GARRE1: variants seen among roughly 807,000 people sequenced by gnomAD.
The protein encoded by GARRE1 is granule associated Rac and RHOG effector protein 1.
Under a neutral mutation model 103.2 loss-of-function variants are expected in GARRE1, and 49 were observed. The observed-to-expected ratio is 0.47, with a 90% CI of 0.38 to 0.60. The LOEUF (loss-of-function observed/expected upper bound fraction) is 0.60. GARRE1 is among the 20% of genes least tolerant of loss of function. The probability of loss-of-function intolerance (pLI) is 0.00; values close to 1 mark genes in which losing one functional copy is unlikely to be tolerated. For missense variants in GARRE1, 1,199 were observed against 1,370.5 expected (o/e 0.87, Z 1.98); for synonymous variants, 505 against 532.8 (o/e 0.95, Z 0.72).
intron 2 of GARRE1, among the ~76,000 whole-genome samples, chr19:34,316,720 G>A (rs1159294941): frequency 1.3e-5 from 2 of 152,194 alleles, no homozygotes; most frequent in Non-Finnish European, 2.9e-5. Flanking sequence ...TTACAACACA[G>A]ATATTTTGTT....
At chr19:34,276,276 C>T (rs2073816690) in intron 1 of GARRE1, among the ~76,000 whole-genome samples, 1 of 152,190 alleles carries the variant, frequency 6.6e-6, no homozygotes, top group African/African-American at 2.4e-5. Flanking sequence ...CTCCTGACCT[C>T]AGGTGATCTG....
intron 3 of GARRE1, among the ~76,000 whole-genome samples, chr19:34,322,522 A>G (rs936388125): frequency 6.6e-6 from 1 of 152,044 alleles, no homozygotes; most frequent in African/African-American, 2.4e-5. Context: ...TTCCAGTATG[A>G]GAAATAAAAA....
At chr19:34,336,875 T>C (rs1186092729) in intron 8 of GARRE1, among the ~76,000 whole-genome samples, 2 of 152,238 alleles carry the variant, frequency 1.3e-5, no homozygotes, top group Non-Finnish European at 2.9e-5. Context: ...TGGGTGAATA[T>C]AAACAGTCAG....
rs531743015 is a variant in GARRE1 at position 34,304,741 on chromosome 19, AGT to A, written c.495+3778_495+3779del. ...ATACCCAGGGATACTGTCATTTTAAAGTGTGTATAAAATGGCTTGTCATAATT... is the reference window on the plus strand; with the variant it reads ...ATACCCAGGGATACTGTCATTTTAAAGTGTATAAAATGGCTTGTCATAATT... On this transcript the variant is annotated intron_variant, in intron 2 of 13. Transcript: ENST00000299505. Among the ~76,000 whole-genome samples, 34 of 151,686 alleles carry A rather than the reference AGT, an allele frequency of 2.2e-4. No homozygotes were observed. The East Asian group carries it at 6.4e-3, about 28-fold the overall frequency.
Position 34,340,007 on chromosome 19 carries a change from T to TTTGCA in GARRE1, c.1487+18_1487+22dup. 6.2e-7 allele frequency: 1 copy of TTTGCA among 1,614,096 alleles called. No individual in the cohort carries two copies. Among genetic ancestry groups the TTTGCA allele is most frequent in the South Asian group, 1.1e-5 (1 of 91,080 alleles). ...AGGGCTGGAAGGTTGGTGTCTGTGG[T>TTTGCA]TTGCATTAGATGCATACCGAGGGAC... On this transcript the variant is annotated intron_variant, in intron 9 of 13. Coordinates refer to ENST00000299505, the MANE Select transcript of GARRE1 (RefSeq NM_014686.5).
At position 34,274,740 on chromosome 19, in the gene GARRE1, G is replaced by A. The variant is rs560198028; in HGVS notation, c.-796+20126G>A. Among the ~76,000 whole-genome samples, 8 of 152,254 alleles carry A rather than the reference G, an allele frequency of 5.3e-5. No individual in the cohort carries two copies. In the East Asian group the frequency reaches 9.6e-4, roughly 18 times the overall value. ...CTATCAGAGGAGGAGTAGCTCAAAG[G>A]GGCAACTAAGAATGGCCAGAGAGGT... is the stretch of plus-strand genomic sequence containing the variant. On this transcript the variant is annotated intron_variant, in intron 1 of 13. Transcript: ENST00000299505.
intron 8 of GARRE1, 99 bp downstream of exon 8, chr19:34,333,900 A>C: frequency 2.5e-6 from 2 of 795,000 alleles, no homozygotes; most frequent in Non-Finnish European, 4.4e-6. Flanking sequence ...ATGCTAGCTG[A>C]CGCAACAAGT....
chr19:34,335,590 A>G (rs1048559106), intron 8 of GARRE1, among the ~76,000 whole-genome samples: 5 of 152,160 alleles, frequency 3.3e-5, no homozygotes, highest in African/African-American at 4.8e-5. Flanking sequence ...CAGTGGCGCA[A>G]TCTCGGCTCA....
chr19:34,307,804 A>G (rs2074017355), intron 2 of GARRE1, among the ~76,000 whole-genome samples: 1 of 128,464 alleles, frequency 7.8e-6, no homozygotes, highest in Non-Finnish European at 1.7e-5. Flanking sequence ...AAAAAAAAAT[A>G]TATATATATA....
In GARRE1 at chr19:34,305,263, T is replaced by TG. The variant is rs533836694; in HGVS notation, c.495+4296dup. ...GCCATTCCAGACTACCGTCTGTACA[T>TG]GCATGGATATGTACAGATGTGTGCA... On this transcript the variant is annotated intron_variant, in intron 2 of 13. Transcript: ENST00000299505. Among the ~76,000 whole-genome samples the TG allele has an allele frequency of 1.0e-3, 154 of 152,326 alleles. 1 individual carries two copies. The highest frequency in any genetic ancestry group is 3.6e-3 in the African/African-American group (149 of 41,578).
chr19:34,347,063 A>T (rs2074214696), intron 10 of GARRE1, among the ~76,000 whole-genome samples: 2 of 150,402 alleles, frequency 1.3e-5, no homozygotes, highest in Admixed American at 1.3e-4. Context: ...AGCTGTGACT[A>T]CGGGTGCACA....
At chr19:34,345,870 C>T (rs886822353) in intron 10 of GARRE1, among the ~76,000 whole-genome samples, 2 of 152,162 alleles carry the variant, frequency 1.3e-5, no homozygotes, top group Non-Finnish European at 2.9e-5. Context: ...TCATATTTGA[C>T]CTCTGAGTCC....
intron 7 of GARRE1, among the ~76,000 whole-genome samples, chr19:34,332,053 A>G (rs1417571540): frequency 6.6e-6 from 1 of 151,808 alleles, no homozygotes; most frequent in Non-Finnish European, 1.5e-5. Flanking sequence ...ATTAGAGATT[A>G]AGAAAATTAA....
chr19:34,303,108 T>C (rs2145244321), intron 2 of GARRE1, among the ~76,000 whole-genome samples: 1 of 152,382 alleles, frequency 6.6e-6, no homozygotes, highest in Admixed American at 6.5e-5. Context: ...AAGATTAGAA[T>C]ACAAGTTTCA....
At chr19:34,331,455 T>G (rs2074137593) in intron 7 of GARRE1, among the ~76,000 whole-genome samples, 1 of 152,178 alleles carries the variant, frequency 6.6e-6, no homozygotes, top group South Asian at 2.1e-4. Flanking sequence ...CACAGTGGTA[T>G]AAGTAGTACC....
intron 1 of GARRE1, among the ~76,000 whole-genome samples, chr19:34,256,188 T>C (rs558319545): frequency 6.6e-6 from 1 of 151,986 alleles, no homozygotes; most frequent in Non-Finnish European, 1.5e-5. Context: ...CTTTGACATA[T>C]TTGGACAATT....
chr19:34,307,801 A>T (rs2923789), intron 2 of GARRE1, among the ~76,000 whole-genome samples: 107,704 of 126,506 alleles, frequency 0.85, 45,894 homozygotes, highest in Non-Finnish European at 0.89. Context: ...ATAAAAAAAA[A>T]ATATATATAT....
intron 2 of GARRE1, among the ~76,000 whole-genome samples, chr19:34,319,192 G>A (rs1353352196): frequency 6.6e-6 from 1 of 152,104 alleles, no homozygotes; most frequent in Admixed American, 6.6e-5. Context: ...TATATATTTA[G>A]TATACATCTT....
At chr19:34,278,593 A>G (rs2073832354) in intron 1 of GARRE1, among the ~76,000 whole-genome samples, 1 of 152,084 alleles carries the variant, frequency 6.6e-6, no homozygotes, top group African/African-American at 2.4e-5. Flanking sequence ...GGAATCACAC[A>G]GTATTTGTCC....
Sources: gnomAD v4.1 joint callset for allele counts (sites outside exome capture counted in the v4.1 genomes callset) on GRCh38, gnomAD v4.1.1 for gene constraint, MANE v1.5 for transcripts, NCBI Gene and HGNC (gene_info 2026-07-23, HGNC 2026-07-21) for gene names.